The following ODAD4 variants were observed in gnomAD, a reference collection of about 807,000 sequenced individuals.
ODAD4 encodes the protein outer dynein arm docking complex subunit 4, also known as outer dynein arm-docking complex subunit 4.
Under a neutral mutation model 51.8 loss-of-function variants are expected in ODAD4, and 49 were observed. The ratio of observed to expected loss-of-function variants is 0.95; its 90% CI spans 0.75 to 1.20. The LOEUF is 1.20. Among genes scored for constraint, ODAD4 ranks in the 50% most tolerant of loss-of-function variants. The probability of loss-of-function intolerance (pLI) is 0.00; values close to 1 mark genes in which losing one functional copy is unlikely to be tolerated. For missense variants in ODAD4, 590 were observed against 586.5 expected (o/e 1.01, Z -0.06); for synonymous variants, 235 against 221.3 (o/e 1.06, Z -0.55).
At chr17:41,937,882 A>G (rs2050449685) in intron 5 of ODAD4, among the ~76,000 whole-genome samples, 1 of 152,242 alleles carries the variant, frequency 6.6e-6, no homozygotes, top group Non-Finnish European at 1.5e-5. Flanking sequence ...TTAGCTGATA[A>G]GCCTGAGCAG....
At chr17:41,960,197 T>C (rs763538233) in intron 10 of ODAD4, among the ~76,000 whole-genome samples, 1 of 152,190 alleles carries the variant, frequency 6.6e-6, no homozygotes. Flanking sequence ...CCAGACACAG[T>C]GGCTCACACC....
At chr17:41,953,666 T>G (rs151232776) in intron 9 of ODAD4, among the ~76,000 whole-genome samples, 9,212 of 147,436 alleles carry the variant, frequency 0.062, 294 homozygotes, top group East Asian at 0.15. Context: ...TATATATATA[T>G]ATAGAGAGAG....
chr17:41,961,126 C>T (rs1223281890), intron 10 of ODAD4, among the ~76,000 whole-genome samples: 1 of 152,190 alleles, frequency 6.6e-6, no homozygotes, highest in Non-Finnish European at 1.5e-5. Context: ...AGACACAACT[C>T]CCAATACATG....
intron 7 of ODAD4, among the ~76,000 whole-genome samples, chr17:41,942,097 C>T (rs550889771): frequency 7.2e-5 from 11 of 152,204 alleles, no homozygotes; most frequent in East Asian, 3.9e-4. Flanking sequence ...ATTGGCAGCC[C>T]GGCTAATTTT....
chr17:41,933,577 G>T (rs1467188919), intron 1 of ODAD4, among the ~76,000 whole-genome samples: 1 of 152,106 alleles, frequency 6.6e-6, no homozygotes, highest in East Asian at 1.9e-4. Context: ...GCTTGAACCC[G>T]GGAGGCGGAG....
chr17:41,935,148 T>C, intron 1 of ODAD4, 69 bp from the exon 2 acceptor site: 2 of 1,595,282 alleles, frequency 1.3e-6, no homozygotes, highest in South Asian at 2.3e-5. Context: ...GGGTTTGGGC[T>C]GCCCTTCCCA....
intron 8 of ODAD4, among the ~76,000 whole-genome samples, chr17:41,947,467 G>T (rs949087401): frequency 6.4e-5 from 9 of 141,162 alleles, no homozygotes; most frequent in Non-Finnish European, 1.4e-4. Flanking sequence ...CCTGGGTGAC[G>T]CAGCAAGACT....
chr17:41,938,820 G>C, intron 6 of ODAD4, 39 bp downstream of exon 6: 1 of 1,603,120 alleles, frequency 6.2e-7, no homozygotes, highest in South Asian at 1.1e-5. Flanking sequence ...GGTGCCTCCA[G>C]TGCCTTATCA....
At chr17:41,954,047 G>A (rs369106070) in intron 9 of ODAD4, among the ~76,000 whole-genome samples, 8 of 151,732 alleles carry the variant, frequency 5.3e-5, no homozygotes, top group South Asian at 4.2e-4. Flanking sequence ...GTGCAGTGGC[G>A]CGATCTCGGC....
rs370318195 is a variant in ODAD4, at chr17:41,935,309, T to C, written c.207T>C (p.Asp69=). The C allele has an allele frequency of 1.8e-5, 29 of 1,613,852 alleles. No individual in the cohort carries two copies. The highest frequency in any genetic ancestry group is 2.4e-5 in the Non-Finnish European group (28 of 1,179,894). ...KMGDLERSLK[D]AEASLQSDPA... is the part of the protein sequence containing the mutation. Reference sequence around the variant, plus strand: ...GAGACTTGGAGAGATCCCTGAAGGATGCTGAGGCTTCGCTCCAGAGTGACC... The same window carrying C: ...GAGACTTGGAGAGATCCCTGAAGGACGCTGAGGCTTCGCTCCAGAGTGACC... The change falls in exon 2 of 12, where the codon GAT becomes GAC. Residue 69 remains aspartate, a synonymous_variant. Coordinates refer to ENST00000377540, the MANE Select transcript of ODAD4 (RefSeq NM_031421.5).
In ODAD4 at chr17:41,963,828, G is replaced by A. The variant is rs372191154; in HGVS notation, c.1529-1165G>A. Among the ~76,000 whole-genome samples the A allele has an allele frequency of 4.0e-5, 6 of 150,272 alleles. No individual in the cohort carries two copies. In the East Asian group the frequency reaches 9.8e-4, roughly 25 times the overall value. ...GTTACCCAGTCTGGAGTGCAGTGGC[G>A]CGATCTCAGCTCACTGCAACCTCCA... On this transcript the variant is annotated intron_variant, in intron 11 of 11. Transcript: ENST00000377540.
rs1441407540 is a variant in ODAD4, at chr17:41,944,422, ACACACACACACACACACACACACC to A, written c.1059-712_1059-689del. 4.1e-4 allele frequency among the ~76,000 whole-genome samples: 53 copies of A among 129,418 alleles called. 1 individual carries two copies. Among genetic ancestry groups the A allele is most frequent in the African/African-American group, 1.6e-3 (50 of 30,338 alleles). 84.9% of individuals were successfully genotyped at this position (129,418 alleles called of 152,430 possible). A position where few individuals can be genotyped will look rare whatever the true frequency, so the allele number is the denominator to read the frequency against. ...CACACACACACACACACACACACAC[ACACACACACACACACACACACACC>A]CCCCCGCATACACAGAAATTGCCTT... On this transcript the variant is annotated intron_variant, in intron 7 of 11. Transcript: ENST00000377540.
intron 9 of ODAD4, chr17:41,952,703 A>G: frequency 3.9e-6 from 2 of 512,760 alleles, no homozygotes; most frequent in South Asian, 2.9e-5. Context: ...TCAGAATTAC[A>G]CTTAAATTTC....
At chr17:41,941,565 C>T (rs900492066) in intron 7 of ODAD4, among the ~76,000 whole-genome samples, 4 of 152,040 alleles carry the variant, frequency 2.6e-5, no homozygotes, top group African/African-American at 9.7e-5. Context: ...AGATCGAGAC[C>T]ATCCTGGCTA....
intron 9 of ODAD4, among the ~76,000 whole-genome samples, chr17:41,954,230 G>T (rs982189894): frequency 5.3e-5 from 8 of 151,806 alleles, no homozygotes; most frequent in African/African-American, 1.7e-4. Flanking sequence ...CAAGCAATCC[G>T]CCCACCTTGG....
intron 10 of ODAD4, among the ~76,000 whole-genome samples, chr17:41,956,004 A>G (rs1232712476): frequency 1.4e-5 from 2 of 147,978 alleles, no homozygotes; most frequent in African/African-American, 2.5e-5. Flanking sequence ...CACCCTCCTC[A>G]GCCTCCCAAT....
At chr17:41,932,433 A>G (rs2050359507) in intron 1 of ODAD4, among the ~76,000 whole-genome samples, 1 of 152,196 alleles carries the variant, frequency 6.6e-6, no homozygotes, top group Admixed American at 6.5e-5. Flanking sequence ...AGGTCGCTAA[A>G]CTAGCAAGTG....
intron 7 of ODAD4, among the ~76,000 whole-genome samples, chr17:41,942,956 A>G (rs2050526932): frequency 6.6e-6 from 1 of 151,992 alleles, no homozygotes; most frequent in Admixed American, 6.6e-5. Context: ...TCCAACTCCT[A>G]GGCCCAAGCA....
chr17:41,961,075 G>A (rs2050799782), intron 10 of ODAD4, among the ~76,000 whole-genome samples: 1 of 152,204 alleles, frequency 6.6e-6, no homozygotes, highest in African/African-American at 2.4e-5. Context: ...GAAGCCAAAA[G>A]CAGCTTTAGG....
Sources: gnomAD v4.1 joint callset for allele counts (sites outside exome capture counted in the v4.1 genomes callset) on GRCh38, gnomAD v4.1.1 for gene constraint, MANE v1.5 for transcripts, NCBI Gene and HGNC (gene_info 2026-07-23, HGNC 2026-07-21) for gene names.